ITGA1: variants seen among roughly 807,000 people sequenced by gnomAD.
ITGA1 encodes integrin subunit alpha 1, also known as integrin alpha-1.
A neutral mutation model predicts 145.9 loss-of-function variants in ITGA1; 85 were observed. The ratio of observed to expected loss-of-function variants is 0.58; its 90% confidence interval spans 0.49 to 0.70. ITGA1 has a LOEUF of 0.70. Ranked by LOEUF, ITGA1 falls within the 30% of genes least tolerant of loss-of-function variation. ITGA1 has a pLI of 0.00. For missense variants in ITGA1, 1,351 were observed against 1,418.7 expected (o/e 0.95, Z 0.77); for synonymous variants, 520 against 495.3 (o/e 1.05, Z -0.66).
chr5:52,834,315 CCAAAAT>C (rs1337354670), intron 1 of ITGA1, among the ~76,000 whole-genome samples: 3 of 152,106 alleles, frequency 2.0e-5, no homozygotes, highest in Non-Finnish European at 4.4e-5. Context: ...AGCTAGAAGG[CCAAAAT>C]CAAGTTGCTT....
intron 6 of ITGA1, among the ~76,000 whole-genome samples, chr5:52,879,116 A>C (rs1191060095): frequency 2.6e-5 from 4 of 152,280 alleles, no homozygotes; most frequent in South Asian, 4.1e-4. Context: ...GACAAGGTCA[A>C]GGATAAGACC....
chr5:52,946,959 A>G (rs1751144004), intron 27 of ITGA1, among the ~76,000 whole-genome samples: 1 of 152,192 alleles, frequency 6.6e-6, no homozygotes, highest in Non-Finnish European at 1.5e-5. Flanking sequence ...TATGACAACA[A>G]ACTGCGACAT....
At position 52,881,971 on chromosome 5, in the gene ITGA1, C is replaced by T; in HGVS notation, c.723C>T (p.Val241=). Residue 241 remains valine (V), a synonymous_variant, in exon 7 of 29, where the codon GTC becomes GTT. Transcript: ENST00000282588. ...TACTTGTTGCAGCAAAGAAAATAGTCCAGAGAGGTGGCCGCCAGACTATGA... is the reference window on the plus strand; with the variant it reads ...TACTTGTTGCAGCAAAGAAAATAGTTCAGAGAGGTGGCCGCCAGACTATGA... ...EEVLVAAKKI[V]QRGGRQTMTA... is the part of the protein sequence containing the mutation. 1.2e-6 allele frequency: 2 copies of T among 1,613,474 alleles called. No homozygotes were observed. The highest frequency in any genetic ancestry group is 1.7e-6 in the Non-Finnish European group (2 of 1,179,712).
At chr5:52,946,917 A>G (rs1250950246) in intron 27 of ITGA1, among the ~76,000 whole-genome samples, 1 of 152,248 alleles carries the variant, frequency 6.6e-6, no homozygotes, top group Non-Finnish European at 1.5e-5. Context: ...TATGCACACT[A>G]GAAATAAAAT....
chr5:52,813,602 C>T (rs1466907394), intron 1 of ITGA1, among the ~76,000 whole-genome samples: 3 of 152,302 alleles, frequency 2.0e-5, no homozygotes, highest in East Asian at 3.9e-4. Context: ...TAGCCACCCC[C>T]AGACAACCAT....
chr5:52,907,514 G>A (rs183203151), intron 12 of ITGA1, among the ~76,000 whole-genome samples: 7 of 152,208 alleles, frequency 4.6e-5, no homozygotes, highest in South Asian at 2.1e-4. Context: ...GATTTAAATC[G>A]TGAATGATTT....
intron 28 of ITGA1, among the ~76,000 whole-genome samples, chr5:52,950,370 T>A (rs1416185165): frequency 1.3e-5 from 2 of 152,236 alleles, no homozygotes. Flanking sequence ...GTCTCACCAC[T>A]TTTTAGTCTT....
intron 23 of ITGA1, among the ~76,000 whole-genome samples, chr5:52,936,227 C>G (rs1750963097): frequency 8.5e-6 from 1 of 117,554 alleles, no homozygotes; most frequent in Non-Finnish European, 1.9e-5. Context: ...CCGCCCGCCT[C>G]GGCCTCCCAA....
chr5:52,797,049 C>T (rs535334708), intron 1 of ITGA1, among the ~76,000 whole-genome samples: 2 of 151,934 alleles, frequency 1.3e-5, no homozygotes, highest in African/African-American at 2.4e-5. Flanking sequence ...GGATTGTAGA[C>T]GTTAATTCAT....
intron 1 of ITGA1, among the ~76,000 whole-genome samples, chr5:52,807,214 G>A (rs1407220861): frequency 6.6e-6 from 1 of 152,162 alleles, no homozygotes; most frequent in African/African-American, 2.4e-5. Flanking sequence ...GCAAATTCAA[G>A]AGCAAAATGT....
At chr5:52,874,137 G>C (rs1580073480) in intron 6 of ITGA1, among the ~76,000 whole-genome samples, 1 of 152,074 alleles carries the variant, frequency 6.6e-6, no homozygotes, top group Admixed American at 6.6e-5. Flanking sequence ...GGCTGCAGCT[G>C]TTCAGCTTCT....
chr5:52,910,588 T>C (rs541329297), intron 14 of ITGA1, among the ~76,000 whole-genome samples, 169 bp downstream of exon 14: 46 of 150,012 alleles, frequency 3.1e-4, no homozygotes, highest in African/African-American at 9.1e-4. Flanking sequence ...TATATATATA[T>C]ACACACACAA....
intron 15 of ITGA1, 149 bp downstream of exon 15, chr5:52,915,743 GTCAATACA>G (rs1750636451): frequency 1.1e-6 from 1 of 922,616 alleles, no homozygotes; most frequent in South Asian, 1.7e-5. Context: ...AGCTGGAAGA[GTCAATACA>G]TCTTAAGAAC....
intron 6 of ITGA1, among the ~76,000 whole-genome samples, chr5:52,877,729 G>A (rs960099998): frequency 4.6e-5 from 7 of 152,172 alleles, no homozygotes; most frequent in African/African-American, 1.4e-4. Flanking sequence ...GAGCTGTAAC[G>A]CTGCAGCTTC....
chr5:52,833,353 A>AT (rs1749107310), intron 1 of ITGA1, among the ~76,000 whole-genome samples: 3 of 152,172 alleles, frequency 2.0e-5, no homozygotes, highest in Admixed American at 1.3e-4. Context: ...ACCAAGCCTA[A>AT]TGCAACTTAA....
rs1388206537 is a variant in ITGA1 at position 52,788,045 on chromosome 5, C to G, written c.-309C>G. On this transcript the variant is annotated 5_prime_UTR_variant, in exon 1 of 29. Transcript: ENST00000282588. ...TTAGCCTAAACACGGACCCGCGAAG[C>G]TGGCTTTATTTGTCCATGTCTCGGA... 5.8e-6 allele frequency: 2 copies of G among 344,582 alleles called. No individual in the cohort carries two copies. The highest frequency in any genetic ancestry group is 1.1e-5 in the Non-Finnish European group (2 of 190,286). The allele number at this position is 344,582 out of a possible 1,614,324, so 21.3% of individuals were successfully genotyped here.
At chr5:52,803,752 T>C (rs987416064) in intron 1 of ITGA1, 1 of 152,192 alleles carries the variant, frequency 6.6e-6, no homozygotes, top group Admixed American at 6.5e-5. Context: ...TGAGAGCTTG[T>C]TGGAAACTAG....
chr5:52,895,252 C>G (rs149934930), intron 9 of ITGA1, among the ~76,000 whole-genome samples: 1 of 152,128 alleles, frequency 6.6e-6, no homozygotes, highest in Non-Finnish European at 1.5e-5. Flanking sequence ...GCCTCTTTCC[C>G]CTGTGCCTTT....
chr5:52,905,254 T>G (rs1377269859), intron 11 of ITGA1: 1 of 152,176 alleles, frequency 6.6e-6, no homozygotes, highest in Non-Finnish European at 1.5e-5. Context: ...TTCTAGTGTT[T>G]TATCGGGAAA....
Sources: allele counts gnomAD v4.1 joint callset (sites outside exome capture counted in the v4.1 genomes callset), GRCh38; gene constraint gnomAD v4.1.1; transcripts MANE v1.5; gene names NCBI Gene and HGNC (gene_info 2026-07-23, HGNC 2026-07-21).